LRP5: variants seen among roughly 807,000 people sequenced by gnomAD.
The protein encoded by LRP5 is low-density lipoprotein receptor-related protein 5.
A neutral mutation model predicts 154.1 loss-of-function variants in LRP5; 62 were observed. The observed-to-expected ratio is 0.40, with a 90% CI of 0.33 to 0.50. The LOEUF (loss-of-function observed/expected upper bound fraction) is 0.50. Ranked by LOEUF, LRP5 falls within the 20% of genes least tolerant of loss-of-function variation. The pLI is 0.55. For missense variants in LRP5, 1,915 were observed against 2,336.7 expected, an observed-to-expected ratio of 0.82 and a Z score of 3.72; for synonymous variants, 966 against 1,011.5, an observed-to-expected ratio of 0.96 and a Z score of 0.85.
chr11:68,334,118 C>T (rs2153121218), intron 1 of LRP5, among the ~76,000 whole-genome samples: 1 of 152,284 alleles, frequency 6.6e-6, no homozygotes, highest in African/African-American at 2.4e-5. Flanking sequence ...CCTGTAATCC[C>T]AGCTATTTGA....
chr11:68,312,672 G>C lies in LRP5; in HGVS notation c.-43G>C. The C allele has an allele frequency of 1.1e-6, 1 of 905,698 alleles. No homozygotes were observed. Among genetic ancestry groups the C allele is most frequent in the Non-Finnish European group, 1.3e-6 (1 of 755,762 alleles). The allele number at this position is 905,698 out of a possible 1,614,324, so 56.1% of individuals were successfully genotyped here. On this transcript the variant is annotated 5_prime_UTR_variant, in exon 1 of 23. Coordinates refer to ENST00000294304, the MANE Select transcript of LRP5 (RefSeq NM_002335.4). ...GGAGCCGCCGCCGCCGCGCCATGGAGCCCGAGTGAGCGCGGCGCGGGCCCG... is the reference window on the plus strand; with the variant it reads ...GGAGCCGCCGCCGCCGCGCCATGGACCCCGAGTGAGCGCGGCGCGGGCCCG...
chr11:68,305,964 T>C, the LRP5 span, among the ~76,000 whole-genome samples: 2 of 152,226 alleles, frequency 1.3e-5, no homozygotes, highest in Non-Finnish European at 1.5e-5. Flanking sequence ...GGTGGAGGTG[T>C]TGGCAGGGCT....
chr11:68,438,582 G>A lies in LRP5; in HGVS notation c.4248G>A (p.Ala1416=), dbSNP rs17848257. 231 of 1,614,042 alleles carry A rather than the reference G, an allele frequency of 1.4e-4. No homozygotes were observed. The East Asian group carries it at 4.2e-3, about 29-fold the overall frequency. The change falls in exon 20 of 23, where the codon GCG becomes GCA. Residue 1416 remains alanine, a synonymous_variant. Coordinates refer to ENST00000294304, the MANE Select transcript of LRP5 (RefSeq NM_002335.4). The part of the protein sequence containing the change: ...VCQRVVCQRY[A]GANGPFPHEY... ...AGCGCGTGGTGTGCCAGCGCTATGC[G>A]GGGGCCAACGGGCCCTTCCCGCACG...
At chr11:68,406,872 C>T in intron 9 of LRP5, 59 bp downstream of exon 9, 2 of 1,559,980 alleles carry the variant, frequency 1.3e-6, no homozygotes, top group Non-Finnish European at 1.8e-6. Flanking sequence ...TGCCTCTGTT[C>T]CTGCCTCAAA....
In LRP5 at chr11:68,438,526, T is replaced by G. The variant is rs780023025; in HGVS notation, c.4192T>G (p.Phe1398Val). The G allele has an allele frequency of 1.2e-6, 2 of 1,614,220 alleles. No homozygotes were observed. The highest frequency in any genetic ancestry group is 1.7e-6 in the Non-Finnish European group (2 of 1,180,032). The change falls in exon 20 of 23, where the codon TTC becomes GTC. Residue 1398 changes from phenylalanine (F) to valine (V), a missense_variant. Coordinates refer to ENST00000294304, the MANE Select transcript of LRP5 (RefSeq NM_002335.4). ...GPVIGIILSL[F>V]VMGGVYFVCQ... Reference sequence around the variant, plus strand: ...CGTCATTGGCATCATCCTCTCTCTCTTCGTCATGGGTGGTGTCTATTTTGT... The same window carrying G: ...CGTCATTGGCATCATCCTCTCTCTCGTCGTCATGGGTGGTGTCTATTTTGT...
rs186220344 is a variant in LRP5 at position 68,319,016 on chromosome 11, C to T, written c.91+6211C>T. Among the ~76,000 whole-genome samples, 190 of 152,252 alleles carry T rather than the reference C, an allele frequency of 1.2e-3. 3 individuals are homozygous for T. The South Asian group carries it at 0.022, about 18-fold the overall frequency. On this transcript the variant is annotated intron_variant, in intron 1 of 22. Coordinates refer to ENST00000294304, the MANE Select transcript of LRP5 (RefSeq NM_002335.4). Reference sequence around the variant, plus strand: ...CTGGATCGCTAGAGATTGGGGGTGCCCCCAGAAGAGGCGCTGCTTCTGTGC... The same window carrying T: ...CTGGATCGCTAGAGATTGGGGGTGCTCCCAGAAGAGGCGCTGCTTCTGTGC...
At chr11:68,436,773 GA>G in intron 18 of LRP5, 115 bp from the exon 19 acceptor site, 1 of 747,976 alleles carries the variant, frequency 1.3e-6, no homozygotes, top group Non-Finnish European at 2.4e-6. Context: ...GCTGGTCCTA[GA>G]AAGGGTCCCA....
At chr11:68,319,501 C>T (rs7128552) in intron 1 of LRP5, among the ~76,000 whole-genome samples, 15,150 of 152,026 alleles carry the variant, frequency 0.1, 944 homozygotes, top group African/African-American at 0.17. Context: ...AGGCATGAGC[C>T]GCTGTGCCCA....
intron 5 of LRP5, among the ~76,000 whole-genome samples, chr11:68,366,532 C>T (rs937511987): frequency 6.6e-6 from 1 of 152,066 alleles, no homozygotes; most frequent in Non-Finnish European, 1.5e-5. Flanking sequence ...TTGTGTGCAG[C>T]GGCTGGGGTG....
At position 68,386,560 on chromosome 11, in the gene LRP5, C is replaced by A. The variant is rs1255492320; in HGVS notation, c.1260C>A (p.Gly420=). The A allele has an allele frequency of 6.2e-7, 1 of 1,613,790 alleles. No homozygotes were observed. The highest frequency in any genetic ancestry group is 8.5e-7 in the Non-Finnish European group (1 of 1,179,984). ...LVNTEINDPD[G]IAVDWVARNL... is the part of the protein sequence containing the mutation. ...ACACCGAGATCAACGACCCCGATGG[C>A]ATCGCGGTCGACTGGGTGGCCCGAA... is the stretch of plus-strand genomic sequence containing the variant. Residue 420 remains glycine (G), a synonymous_variant, in exon 6 of 23, where the codon GGC becomes GGA. Transcript: ENST00000294304. This position sits in a 1 kb window ranked among gnomAD's most constrained non-coding sequence, Gnocchi z 7.9.
At chr11:68,359,256 A>T (rs1236895095) in intron 3 of LRP5, among the ~76,000 whole-genome samples, 1 of 152,184 alleles carries the variant, frequency 6.6e-6, no homozygotes. Flanking sequence ...AGGCCGGGAC[A>T]TCCACTTCCA....
intron 16 of LRP5, among the ~76,000 whole-genome samples, chr11:68,428,692 C>G (rs375089787): frequency 6.7e-6 from 1 of 149,772 alleles, no homozygotes; most frequent in Admixed American, 6.7e-5. Flanking sequence ...CTGCAAAGAC[C>G]CTTTTTCCAA....
chr11:68,308,340 T>G (rs1415188749), upstream of LRP5, among the ~76,000 whole-genome samples: 5 of 152,186 alleles, frequency 3.3e-5, no homozygotes, highest in East Asian at 9.6e-4. Flanking sequence ...TTTGCCCAAG[T>G]GTCACCGGGC....
intron 14 of LRP5, among the ~76,000 whole-genome samples, chr11:68,424,566 G>A (rs1270531092): frequency 6.6e-6 from 1 of 152,246 alleles, no homozygotes; most frequent in African/African-American, 2.4e-5. Context: ...TGGGGGGCCT[G>A]CACCTGTTTC....
At position 68,413,965 on chromosome 11, in the gene LRP5, G is replaced by T; in HGVS notation, c.2780G>T (p.Gly927Val). The T allele has an allele frequency of 1.9e-6, 3 of 1,607,304 alleles. No individual in the cohort carries two copies. Among genetic ancestry groups the T allele is most frequent in the Non-Finnish European group, 2.5e-6 (3 of 1,179,972 alleles). ...GCCATCCCCGGCGGCCACCGCTGCG[G>T]CTGCGCCTCACACTACACCCTGGAC... ...CLAIPGGHRC[G>V]CASHYTLDPS... The change falls in exon 12 of 23, where the codon GGC becomes GTC. Residue 927 changes from glycine (G) to valine (V), a missense_variant. Physicochemically the swap from Gly to Val is moderately radical, Grantham distance 109. Transcript: ENST00000294304. This position sits in a 1 kb window ranked among gnomAD's most constrained non-coding sequence, Gnocchi z 5.1.
At chr11:68,380,402 G>T (rs573712880) in intron 5 of LRP5, among the ~76,000 whole-genome samples, 1 of 152,214 alleles carries the variant, frequency 6.6e-6, no homozygotes. Flanking sequence ...TGAGGAGGCG[G>T]GAAGGAGACC....
chr11:68,404,400 A>G (rs778637138), intron 8 of LRP5: 6 of 512,452 alleles, frequency 1.2e-5, no homozygotes, highest in Admixed American at 2.3e-5. Flanking sequence ...TTGCTGCTGC[A>G]TTGCCTGCAG....
intron 1 of LRP5, among the ~76,000 whole-genome samples, chr11:68,344,424 T>G (rs2098611012): frequency 6.6e-6 from 1 of 152,146 alleles, no homozygotes; most frequent in Non-Finnish European, 1.5e-5. Context: ...GTTCAAGTGA[T>G]TCTCCTGCCT....
At chr11:68,383,831 G>A (rs150104188) in intron 5 of LRP5, among the ~76,000 whole-genome samples, 4 of 152,348 alleles carry the variant, frequency 2.6e-5, no homozygotes, top group East Asian at 3.9e-4. Flanking sequence ...TGAGGAGGAG[G>A]TGGCGGTGCT....
Sources: gnomAD v4.1 joint callset for allele counts (sites outside exome capture counted in the v4.1 genomes callset) on GRCh38, gnomAD v4.1.1 for gene constraint, Gnocchi (gnomAD v3.1) non-coding constraint, MANE v1.5 for transcripts, NCBI Gene and HGNC (gene_info 2026-07-23, HGNC 2026-07-21) for gene names.